Variants in TPRG1 observed in about 807,000 individuals in gnomAD.
TPRG1 encodes the protein tumor protein p63-regulated gene 1 protein.
TPRG1 carries 29 observed loss-of-function variants against 29.3 expected under a neutral mutation model. The observed-to-expected ratio is 0.99, with a 90% CI of 0.74 to 1.35. The LOEUF is 1.35. Ranked by LOEUF, TPRG1 falls within the 40% of genes most tolerant of loss-of-function variation. TPRG1 has a pLI of 0.00. For missense variants in TPRG1, 327 were observed against 335.0 expected (o/e 0.98, Z 0.19); for synonymous variants, 130 against 116.8 (o/e 1.11, Z -0.73).
chr3:189,182,913 C>T (rs1280523664), intron 1 of TPRG1, among the ~76,000 whole-genome samples: 3 of 151,992 alleles, frequency 2.0e-5, no homozygotes, highest in African/African-American at 7.3e-5. Context: ...ATTAACATAC[C>T]CATCACCTCA....
chr3:189,076,635 T>A (rs960980609), intron 4 of TPRG1, among the ~76,000 whole-genome samples: 1 of 152,082 alleles, frequency 6.6e-6, no homozygotes, highest in African/African-American at 2.4e-5. Context: ...AACACTGTTG[T>A]TAAGCCCTGG....
intron 1 of TPRG1, among the ~76,000 whole-genome samples, chr3:189,175,093 G>T (rs1729301492): frequency 6.6e-6 from 1 of 152,052 alleles, no homozygotes; most frequent in Non-Finnish European, 1.5e-5. Context: ...TCTCAAAGGG[G>T]CTTACCATCT....
At chr3:189,258,104 C>T (rs2109025928) in intron 4 of TPRG1, among the ~76,000 whole-genome samples, 1 of 152,150 alleles carries the variant, frequency 6.6e-6, no homozygotes, top group African/African-American at 2.4e-5. Context: ...AATTTTCAGC[C>T]TTTTTGTGCT....
intron 3 of TPRG1, among the ~76,000 whole-genome samples, chr3:189,235,557 A>G (rs1353878170): frequency 6.6e-6 from 1 of 152,202 alleles, no homozygotes; most frequent in Admixed American, 6.5e-5. Context: ...GCTAGGGGAC[A>G]CTGAAAGGGG....
chr3:189,103,442 A>T (rs1391705086), intron 1 of TPRG1, among the ~76,000 whole-genome samples: 1 of 152,200 alleles, frequency 6.6e-6, no homozygotes, highest in Non-Finnish European at 1.5e-5. Context: ...GAGGAGTGTC[A>T]AGGGAAAACT....
chr3:189,212,403 G>T (rs1323134728), intron 2 of TPRG1, among the ~76,000 whole-genome samples: 1 of 151,998 alleles, frequency 6.6e-6, no homozygotes, highest in Non-Finnish European at 1.5e-5. Flanking sequence ...TTGCTATAGG[G>T]TTCCCTGTGT....
intron 4 of TPRG1, among the ~76,000 whole-genome samples, chr3:189,287,517 C>T (rs1182493555): frequency 6.6e-6 from 1 of 151,890 alleles, no homozygotes; most frequent in Non-Finnish European, 1.5e-5. Flanking sequence ...CCTGCCTCAG[C>T]CTCCCGAGTA....
intron 4 of TPRG1, among the ~76,000 whole-genome samples, chr3:189,034,785 A>G (rs1560406537): frequency 6.6e-6 from 1 of 152,220 alleles, no homozygotes; most frequent in Non-Finnish European, 1.5e-5. Flanking sequence ...AAGAAATCAG[A>G]GATGACACCA....
Position 189,032,005 on chromosome 3 carries a change from G to A in TPRG1, c.-463+8059G>A, listed in dbSNP as rs545686483. Among the ~76,000 whole-genome samples, 421 of 152,284 alleles carry A rather than the reference G, an allele frequency of 2.8e-3. 2 individuals are homozygous for A. The highest frequency in any genetic ancestry group is 4.5e-3 in the Non-Finnish European group (309 of 68,022). On this transcript the variant is annotated intron_variant, in intron 4 of 10. Transcript: ENST00000433971. Reference sequence around the variant, plus strand: ...TAACAGTCGTTTATAAAAGATGTGGGAGGTAGAATAAAGCCCCCTTACTCC... The same window carrying A: ...TAACAGTCGTTTATAAAAGATGTGGAAGGTAGAATAAAGCCCCCTTACTCC...
At chr3:189,318,583 T>C (rs1723915180) in intron 5 of TPRG1, among the ~76,000 whole-genome samples, 2 of 152,120 alleles carry the variant, frequency 1.3e-5, no homozygotes, top group South Asian at 4.1e-4. Flanking sequence ...ATAAAACTGA[T>C]CATAAAAATA....
intron 4 of TPRG1, among the ~76,000 whole-genome samples, chr3:189,298,811 AAAC>A (rs1720361107): frequency 6.6e-6 from 1 of 152,260 alleles, no homozygotes. Flanking sequence ...CTGAAAGAGA[AAAC>A]AAATGAATGT....
At chr3:189,049,019 C>A (rs1056923971) in intron 4 of TPRG1, among the ~76,000 whole-genome samples, 2 of 152,156 alleles carry the variant, frequency 1.3e-5, no homozygotes, top group African/African-American at 4.8e-5. Context: ...CCCATTCCTG[C>A]ATGGCACCAC....
At chr3:189,102,536 T>C (rs1719326363) in intron 1 of TPRG1, among the ~76,000 whole-genome samples, 1 of 152,198 alleles carries the variant, frequency 6.6e-6, no homozygotes, top group Non-Finnish European at 1.5e-5. Flanking sequence ...AGTTCTAGTA[T>C]GTAAATTGAC....
chr3:189,159,030 CT>C (rs1727090954), intron 5 of TPRG1, among the ~76,000 whole-genome samples: 1 of 151,790 alleles, frequency 6.6e-6, no homozygotes, highest in Non-Finnish European at 1.5e-5. Flanking sequence ...GTGACATTTG[CT>C]GTCTCCGGGA....
chr3:189,111,688 G>A (rs549556388), intron 1 of TPRG1, among the ~76,000 whole-genome samples: 1 of 152,240 alleles, frequency 6.6e-6, no homozygotes, highest in East Asian at 1.9e-4. Context: ...TTTGTATACA[G>A]TAACATGATT....
chr3:189,114,801 G>A (rs962345012), intron 1 of TPRG1, among the ~76,000 whole-genome samples: 2 of 152,132 alleles, frequency 1.3e-5, no homozygotes, highest in Non-Finnish European at 2.9e-5. Context: ...AAATGCTATA[G>A]AAATTAGTGG....
chr3:189,146,770 C>A (rs1485994758), intron 3 of TPRG1, among the ~76,000 whole-genome samples: 2 of 152,186 alleles, frequency 1.3e-5, no homozygotes, highest in Admixed American at 6.5e-5. Context: ...AAGCAATATG[C>A]ATCTCATTTA....
At chr3:189,185,003 G>A (rs1730727798) in intron 1 of TPRG1, among the ~76,000 whole-genome samples, 1 of 152,118 alleles carries the variant, frequency 6.6e-6, no homozygotes, top group Non-Finnish European at 1.5e-5. Flanking sequence ...TGGGTTTGGT[G>A]GTTAGGCAAA....
At chr3:189,119,468 G>A (rs1721571909) in intron 1 of TPRG1, among the ~76,000 whole-genome samples, 3 of 152,190 alleles carry the variant, frequency 2.0e-5, no homozygotes, top group Admixed American at 2.0e-4. Context: ...TGAAATGTGA[G>A]GACATGAGAT....
Sources: allele counts gnomAD v4.1 joint callset (sites outside exome capture counted in the v4.1 genomes callset), GRCh38; gene constraint gnomAD v4.1.1; transcripts MANE v1.5; gene names NCBI Gene and HGNC (gene_info 2026-07-23, HGNC 2026-07-21).